PAK1IP1: variants seen among roughly 807,000 people sequenced by gnomAD.
The protein encoded by PAK1IP1 is PAK1 interacting protein 1, also known as p21-activated protein kinase-interacting protein 1.
A neutral mutation model predicts 42.0 loss-of-function variants in PAK1IP1; 24 were observed. The observed-to-expected ratio is 0.57, with a 90% CI of 0.41 to 0.80. The LOEUF (loss-of-function observed/expected upper bound fraction) is 0.80. PAK1IP1 is among the 30% of genes least tolerant of loss of function. The pLI is 0.00. For missense variants in PAK1IP1, 411 were observed against 467.9 expected, an observed-to-expected ratio of 0.88 and a Z score of 1.12; for synonymous variants, 154 against 156.7, an observed-to-expected ratio of 0.98 and a Z score of 0.13.
At position 10,697,569 on chromosome 6, in the gene PAK1IP1, T is replaced by C. The variant is rs9467264; in HGVS notation, c.247+83T>C. On this transcript the variant is annotated intron_variant, in intron 2 of 9. Transcript: ENST00000379568. ...TCAGTTGAACAATTTGTTGTATCTA[T>C]TTTATAGCAGATTCTTTGCTAGAAG... The C allele has an allele frequency of 8.5e-6, 9 of 1,061,672 alleles. No homozygotes were observed. The African/African-American group carries it at 1.4e-4, about 17-fold the overall frequency. The allele number at this position is 1,061,672 out of a possible 1,614,324, so 65.8% of individuals were successfully genotyped here.
chr6:10,705,401 AG>A (rs1770171966), intron 7 of PAK1IP1, among the ~76,000 whole-genome samples: 1 of 152,218 alleles, frequency 6.6e-6, no homozygotes, highest in Non-Finnish European at 1.5e-5. Flanking sequence ...AATGTCTGTT[AG>A]ACTTGGAGCC....
At chr6:10,703,523 T>A in intron 5 of PAK1IP1, 66 bp downstream of exon 5, 1 of 1,238,048 alleles carries the variant, frequency 8.1e-7, no homozygotes, top group Non-Finnish European at 1.2e-6. Flanking sequence ...TGCTCCAAAA[T>A]CTGAAACTTT....
At chr6:10,698,458 A>G (rs1223352360) in intron 2 of PAK1IP1, among the ~76,000 whole-genome samples, 1 of 152,246 alleles carries the variant, frequency 6.6e-6, no homozygotes, top group Non-Finnish European at 1.5e-5. Flanking sequence ...CCTAGAGCCC[A>G]TGCTTTTGAC....
At chr6:10,702,791 T>C in intron 4 of PAK1IP1, 152 bp downstream of exon 4, 1 of 630,028 alleles carries the variant, frequency 1.6e-6, no homozygotes, top group South Asian at 1.9e-5. Context: ...TGACAAGCTC[T>C]GTTTTCTTTC....
chr6:10,708,874 T>C (rs1188871122), intron 8 of PAK1IP1, 79 bp from the exon 9 acceptor site: 19 of 1,198,802 alleles, frequency 1.6e-5, no homozygotes, highest in Non-Finnish European at 2.3e-5. Context: ...ATACAGGAAG[T>C]TTTAAATTAA....
Position 10,702,468 on chromosome 6 carries a change from T to C in PAK1IP1, c.347T>C (p.Leu116Pro), listed in dbSNP as rs759283569. 6.1e-5 allele frequency: 98 copies of C among 1,613,968 alleles called. No homozygotes were observed. Among genetic ancestry groups the C allele is most frequent in the Non-Finnish European group, 8.1e-5 (96 of 1,179,988 alleles). Reference protein sequence around the residue: ...CIWDAKKWECLKSIKAHKGQV... With the variant: ...CIWDAKKWECPKSIKAHKGQV... ...TGGGATGCAAAGAAATGGGAATGCC[T>C]GAAGTCAATTAAAGCTCACAAGTGA... Residue 116 changes from leucine to proline, a missense_variant, in exon 3 of 10, where the codon CTG becomes CCG. By Grantham distance (98) the Leu-to-Pro change is moderately conservative. Transcript: ENST00000379568.
upstream of PAK1IP1, chr6:10,694,598 AAG>A: frequency 5.8e-6 from 1 of 172,164 alleles, no homozygotes; most frequent in South Asian, 1.2e-4. Context: ...TACAGCCCCT[AAG>A]CAACCGGCCG....
At position 10,697,319 on chromosome 6, in the gene PAK1IP1, A is replaced by G. The variant is rs200011843; in HGVS notation, c.85-5A>G. 5.0e-6 allele frequency: 8 copies of G among 1,611,026 alleles called. No individual in the cohort carries two copies. The East Asian group carries it at 1.8e-4, about 36-fold the overall frequency. The stretch of plus-strand genomic sequence containing the variant: ...GCATTAATTGTATGTTTTCATCTTC[A>G]GCAGCAATGGACTCTTGTGGCTGAC... On this transcript the variant is annotated splice_region_variant and splice_polypyrimidine_tract_variant and intron_variant, in intron 1 of 9. Transcript: ENST00000379568.
upstream of PAK1IP1, among the ~76,000 whole-genome samples, chr6:10,692,950 A>G (rs1769477401): frequency 6.6e-6 from 1 of 152,260 alleles, no homozygotes; most frequent in Admixed American, 6.5e-5. Context: ...CAGATGACGT[A>G]GAAAGTAAAA....
chr6:10,708,041 C>CTTTTTTTTTTTT (rs34074813), intron 8 of PAK1IP1, among the ~76,000 whole-genome samples: 1 of 92,298 alleles, frequency 1.1e-5, no homozygotes, highest in African/African-American at 3.8e-5. Context: ...TTAGAATTTT[C>CTTTTTTTTTTTT]TTTTTTTTTT....
Position 10,709,228 on chromosome 6 carries a change from T to C in PAK1IP1, c.965-10T>C, listed in dbSNP as rs373736370. 2.8e-4 allele frequency: 438 copies of C among 1,591,350 alleles called. 1 individual carries two copies. Among genetic ancestry groups the C allele is most frequent in the Middle Eastern group, 1.8e-3 (11 of 5,946 alleles). On this transcript the variant is annotated splice_polypyrimidine_tract_variant and intron_variant, in intron 9 of 9. Transcript: ENST00000379568. The stretch of plus-strand genomic sequence containing the variant: ...GTCTTTTTTTAAAAGCACTCTCTTT[T>C]GTGTTTTAGTAAGTAAAGAACAGTC...
At chr6:10,702,109 G>A (rs1181158808) in intron 2 of PAK1IP1, among the ~76,000 whole-genome samples, 2 of 151,886 alleles carry the variant, frequency 1.3e-5, no homozygotes, top group African/African-American at 4.8e-5. Context: ...GTATATTGAT[G>A]TGCACCTGTA....
chr6:10,704,000 ATTTTATTTTATTTTATATT>A (rs1328638955), intron 5 of PAK1IP1, among the ~76,000 whole-genome samples: 12 of 151,362 alleles, frequency 7.9e-5, no homozygotes, highest in South Asian at 2.1e-4. Context: ...ATTTTGTTTC[ATTTTATTTTATTTTATATT>A]TTTTATTTTA....
Position 10,697,138 on chromosome 6 carries a change from T to C in PAK1IP1, c.85-186T>C, listed in dbSNP as rs552202703. On this transcript the variant is annotated intron_variant, in intron 1 of 9. Transcript: ENST00000379568. ...CAAGTCCTTTGTGGTAAACTACATG[T>C]CATTTTGTAGTTTAACATATCATTT... Among the ~76,000 whole-genome samples the C allele has an allele frequency of 2.6e-5, 4 of 152,296 alleles. No homozygotes were observed. In the East Asian group the frequency reaches 7.7e-4, roughly 29 times the overall value.
chr6:10,703,441 A>G lies in PAK1IP1; in HGVS notation c.480A>G (p.Ile160Met). The change falls in exon 5 of 10, where the codon ATA becomes ATG. Residue 160 changes from isoleucine (I) to methionine (M), a missense_variant. Coordinates refer to ENST00000379568, the MANE Select transcript of PAK1IP1 (RefSeq NM_017906.3). The part of the protein sequence containing the change: ...WNLVEGRSAF[I>M]KNIKQNAHIV... Reference sequence around the variant, plus strand: ...TTGTAGAAGGAAGATCAGCATTCATAAAAAATATAAAACAAAGTGAGTATT... The same window carrying G: ...TTGTAGAAGGAAGATCAGCATTCATGAAAAATATAAAACAAAGTGAGTATT... 2 of 1,608,694 alleles carry G rather than the reference A, an allele frequency of 1.2e-6. No homozygotes were observed. Among genetic ancestry groups the G allele is most frequent in the Non-Finnish European group, 1.7e-6 (2 of 1,175,852 alleles).
At chr6:10,694,244 G>C (rs1222292402), upstream of PAK1IP1, among the ~76,000 whole-genome samples, 1 of 133,916 alleles carries the variant, frequency 7.5e-6, no homozygotes. Context: ...TGGGCAAAAA[G>C]AGCGAAACTC....
At chr6:10,693,170 G>C (rs1769504695), upstream of PAK1IP1, among the ~76,000 whole-genome samples, 3 of 152,152 alleles carry the variant, frequency 2.0e-5, no homozygotes. Context: ...ATCAGTTTAA[G>C]ATTATGAGGT....
rs756821063 is a variant in PAK1IP1, at chr6:10,709,353, A to G, written c.1080A>G (p.Lys360=). 6.2e-7 allele frequency: 1 copy of G among 1,614,044 alleles called. No individual in the cohort carries two copies. Among genetic ancestry groups the G allele is most frequent in the African/African-American group, 1.3e-5 (1 of 75,054 alleles). Residue 360 remains lysine (K), a synonymous_variant, in exon 10 of 10, where the codon AAA becomes AAG. Coordinates refer to ENST00000379568, the MANE Select transcript of PAK1IP1 (RefSeq NM_017906.3). ...KKRGLTGDSK[K]ATKESGLIST... is the part of the protein sequence containing the mutation. ...GCGGTTTAACAGGTGACAGTAAGAAAGCAACAAAAGAAAGTGGCCTGATAT... is the reference window on the plus strand; with the variant it reads ...GCGGTTTAACAGGTGACAGTAAGAAGGCAACAAAAGAAAGTGGCCTGATAT...
chr6:10,691,083 G>A (rs73721358), upstream of PAK1IP1, among the ~76,000 whole-genome samples: 2,582 of 152,282 alleles, frequency 0.017, 76 homozygotes, highest in African/African-American at 0.059. Context: ...TTATTTAGCT[G>A]TGTGTTCTTG....
Sources: allele counts gnomAD v4.1 joint callset (sites outside exome capture counted in the v4.1 genomes callset), GRCh38; gene constraint gnomAD v4.1.1; transcripts MANE v1.5; gene names NCBI Gene and HGNC (gene_info 2026-07-23, HGNC 2026-07-21).